The following C12orf56 variants were observed in gnomAD, a reference collection of about 807,000 sequenced individuals.
C12orf56 encodes the protein uncharacterized protein C12orf56.
In C12orf56, 71 loss-of-function variants were observed where a neutral mutation model predicts 69.9. That is an observed-to-expected ratio of 1.02 (90% CI 0.84 to 1.24). The LOEUF (loss-of-function observed/expected upper bound fraction) is 1.24, where lower values mean the gene tolerates loss of function less well. Among genes scored for constraint, C12orf56 ranks in the 50% most tolerant of loss-of-function variants. C12orf56 has a pLI of 0.00. For synonymous variants in C12orf56, 276 were observed against 274.1 expected (o/e 1.01, Z -0.07); for missense variants, 732 against 738.5 (o/e 0.99, Z 0.10).
At chr12:64,353,171 T>A (rs1353459233) in intron 1 of C12orf56, 115 bp from the exon 2 acceptor site, 9 of 1,016,566 alleles carry the variant, frequency 8.9e-6, no homozygotes, top group African/African-American at 5.0e-5. Context: ...ATATATATAT[T>A]TTTCAAAACG....
At position 64,318,837 on chromosome 12, in the gene C12orf56, G is replaced by C. The variant is rs2038727904; in HGVS notation, c.632C>G (p.Thr211Ser). 2 of 1,537,140 alleles carry C rather than the reference G, an allele frequency of 1.3e-6. No homozygotes were observed. The highest frequency in any genetic ancestry group is 1.2e-5 in the South Asian group (1 of 84,070). ...AGATGGCTCGCTGACAGCCTTGCCA[G>C]TTGTTGGTGCAGACTGAGAGCTCCT... ...SRRSSQSAPT[T>S]GKAVSEPSCT... The change falls in exon 4 of 13, where the codon ACT becomes AGT. Residue 211 changes from threonine (T) to serine (S), a missense_variant. Coordinates refer to ENST00000543942, the MANE Select transcript of C12orf56 (RefSeq NM_001170633.2).
At chr12:64,280,840 T>G (rs2038112901) in intron 8 of C12orf56, among the ~76,000 whole-genome samples, 1 of 152,164 alleles carries the variant, frequency 6.6e-6, no homozygotes, top group South Asian at 2.1e-4. Flanking sequence ...ACACCTCAAC[T>G]GAAACCTCGT....
chr12:64,381,624 ATC>A, intron 1 of C12orf56, among the ~76,000 whole-genome samples: 1 of 152,312 alleles, frequency 6.6e-6, no homozygotes, highest in Admixed American at 6.5e-5. Flanking sequence ...GTTAGGTCAG[ATC>A]TCTTTCACTG....
intron 1 of C12orf56, among the ~76,000 whole-genome samples, chr12:64,365,050 T>C (rs2039446231): frequency 6.6e-6 from 1 of 151,992 alleles, no homozygotes; most frequent in South Asian, 2.1e-4. Context: ...CAATGTCACA[T>C]AGAATATAAG....
At chr12:64,343,321 A>G (rs542985006) in intron 2 of C12orf56, among the ~76,000 whole-genome samples, 1 of 152,158 alleles carries the variant, frequency 6.6e-6, no homozygotes, top group African/African-American at 2.4e-5. Context: ...ACTAGATCCA[A>G]TCAGCATAAT....
chr12:64,269,344 A>C (rs2037952968), intron 12 of C12orf56, among the ~76,000 whole-genome samples: 2 of 152,176 alleles, frequency 1.3e-5, no homozygotes, highest in Admixed American at 1.3e-4. Context: ...TGCTAAGTGC[A>C]CTTGGCTTTG....
At position 64,274,937 on chromosome 12, in the gene C12orf56, G is replaced by C; in HGVS notation, c.1548C>G (p.Ser516Arg). ...LGLGSTKFAI[S>R]WIMSFLQSCP... The stretch of plus-strand genomic sequence containing the variant: ...AGCTTTGTAGAAAGGACATTATCCA[G>C]CTAATAGCAAACTTTGTGGATCCCA... Residue 516 changes from serine (S) to arginine (R), a missense_variant, in exon 11 of 13, where the codon AGC becomes AGG. Ser to Arg is a moderately radical substitution (Grantham distance 110). Transcript: ENST00000543942. 1 of 1,612,600 alleles carries C rather than the reference G, an allele frequency of 6.2e-7. No individual in the cohort carries two copies. The highest frequency in any genetic ancestry group is 1.1e-5 in the South Asian group (1 of 91,026).
At chr12:64,358,924 G>A (rs1054027842) in intron 1 of C12orf56, among the ~76,000 whole-genome samples, 1 of 152,144 alleles carries the variant, frequency 6.6e-6, no homozygotes, top group African/African-American at 2.4e-5. Context: ...GAGAAAGGAA[G>A]GTGGTTTCTT....
At chr12:64,353,299 A>G (rs1188375010) in intron 1 of C12orf56, among the ~76,000 whole-genome samples, 1 of 152,064 alleles carries the variant, frequency 6.6e-6, no homozygotes, top group African/African-American at 2.4e-5. Flanking sequence ...CTGGGATTAC[A>G]GACATGAGCC....
chr12:64,325,261 C>G (rs760150858), intron 3 of C12orf56, among the ~76,000 whole-genome samples: 58 of 151,760 alleles, frequency 3.8e-4, no homozygotes, highest in Non-Finnish European at 6.8e-4. Context: ...AGCAGTGGAG[C>G]TGGGCATGCC....
intron 9 of C12orf56, among the ~76,000 whole-genome samples, chr12:64,276,065 T>C (rs564122247): frequency 6.6e-6 from 1 of 151,350 alleles, no homozygotes; most frequent in African/African-American, 2.4e-5. Flanking sequence ...CAAATTAAAC[T>C]AAGATTCCTT....
intron 1 of C12orf56, among the ~76,000 whole-genome samples, chr12:64,381,680 T>C (rs1258714198): frequency 6.6e-6 from 1 of 152,156 alleles, no homozygotes; most frequent in Admixed American, 6.5e-5. Flanking sequence ...AACTGCTATA[T>C]GGGAAGGAAT....
intron 2 of C12orf56, among the ~76,000 whole-genome samples, chr12:64,350,017 A>G (rs749418179): frequency 4.2e-4 from 64 of 151,258 alleles, no homozygotes; most frequent in Non-Finnish European, 7.2e-4. Flanking sequence ...GCTTGAACCC[A>G]GGAGGTGGAG....
chr12:64,323,496 T>C (rs1436040715), intron 3 of C12orf56, among the ~76,000 whole-genome samples: 1 of 152,062 alleles, frequency 6.6e-6, no homozygotes, highest in African/African-American at 2.4e-5. Context: ...AAACCTAAAA[T>C]GCATTTCTGT....
At position 64,357,117 on chromosome 12, in the gene C12orf56, AC is replaced by A. The variant is rs199839232; in HGVS notation, c.253-4062del. 9.9e-3 allele frequency among the ~76,000 whole-genome samples: 1,487 copies of A among 149,982 alleles called. 27 individuals carry two copies. The highest frequency in any genetic ancestry group is 0.031 in the African/African-American group (1,297 of 41,256). ...TATCAGCAGGCTCCTAAAAAAAAAA[AC>A]ACACAAAAATGTGGTCTTTCAACTT... On this transcript the variant is annotated intron_variant, in intron 1 of 12. Transcript: ENST00000543942.
chr12:64,379,955 T>G (rs1032024449), intron 1 of C12orf56, among the ~76,000 whole-genome samples: 1 of 138,382 alleles, frequency 7.2e-6, no homozygotes, highest in African/African-American at 2.8e-5. Flanking sequence ...AAAAAAAGTC[T>G]CCGGGCGTGA....
chr12:64,346,935 C>T (rs974806057), intron 2 of C12orf56, among the ~76,000 whole-genome samples: 3 of 151,986 alleles, frequency 2.0e-5, no homozygotes, highest in Admixed American at 6.6e-5. Flanking sequence ...TATATCTATA[C>T]CTATATCTAT....
intron 2 of C12orf56, among the ~76,000 whole-genome samples, chr12:64,332,647 C>T (rs993362388): frequency 7.9e-5 from 12 of 152,246 alleles, no homozygotes; most frequent in South Asian, 4.1e-4. Flanking sequence ...GTATGAGTTT[C>T]GGTCCCCATA....
chr12:64,390,251 G>T (rs1308499390), intron 1 of C12orf56, 63 bp downstream of exon 1: 1 of 1,513,194 alleles, frequency 6.6e-7, no homozygotes, highest in East Asian at 2.4e-5. Context: ...GGCTGGGTTT[G>T]GGGGCCCCAG....
Sources: gnomAD v4.1 joint callset for allele counts (sites outside exome capture counted in the v4.1 genomes callset) on GRCh38, gnomAD v4.1.1 for gene constraint, MANE v1.5 for transcripts, NCBI Gene and HGNC (gene_info 2026-07-23, HGNC 2026-07-21) for gene names.